TBCE: variants seen among roughly 807,000 people sequenced by gnomAD.
TBCE encodes the protein tubulin-specific chaperone E.
In TBCE, 53 loss-of-function variants were observed where a neutral mutation model predicts 77.0. That is an observed-to-expected ratio of 0.69 (90% CI 0.55 to 0.87). TBCE has a LOEUF of 0.87. TBCE is among the 40% of genes least tolerant of loss of function. The probability of loss-of-function intolerance (pLI) is 0.00; values close to 1 mark genes in which losing one functional copy is unlikely to be tolerated. For synonymous variants in TBCE, 235 were observed against 241.3 expected (o/e 0.97, Z 0.24); for missense variants, 624 against 622.4 (o/e 1.00, Z -0.03).
At position 235,430,730 on chromosome 1, in the gene TBCE, G is replaced by A. The variant is rs1409065511; in HGVS notation, c.586G>A (p.Gly196Ser). 13 of 1,612,770 alleles carry A rather than the reference G, an allele frequency of 8.1e-6. No individual in the cohort carries two copies. Among genetic ancestry groups the A allele is most frequent in the African/African-American group, 5.3e-5 (4 of 74,820 alleles). Residue 196 changes from glycine (G) to serine (S), a missense_variant, in exon 7 of 17, where the codon GGT becomes AGT. Gly to Ser is a moderately conservative substitution (Grantham distance 56). Transcript: ENST00000642610. The part of the protein sequence containing the change: ...VSENKLKFPS[G>S]SVLTGTLSVL... ...TGAAAATAAACTAAAATTTCCCTCCGGTTCAGTATTAACTGGAACGCTTTC... is the reference window on the plus strand; with the variant it reads ...TGAAAATAAACTAAAATTTCCCTCCAGTTCAGTATTAACTGGAACGCTTTC...
chr1:235,421,622 T>G (rs1286130555), intron 5 of TBCE, among the ~76,000 whole-genome samples: 1 of 151,962 alleles, frequency 6.6e-6, no homozygotes, highest in Non-Finnish European at 1.5e-5. Flanking sequence ...GCAGGGAGAA[T>G]TGCTTGAACC....
intron 2 of TBCE, among the ~76,000 whole-genome samples, chr1:235,387,145 C>T (rs557644180): frequency 9.8e-5 from 15 of 152,312 alleles, no homozygotes; most frequent in East Asian, 5.8e-4. Flanking sequence ...GCTGTCTGAT[C>T]GTTCCTCTGG....
rs185533345 is a variant in TBCE, at chr1:235,414,321, C to T, written c.186-112C>T. The T allele has an allele frequency of 3.7e-5, 35 of 952,212 alleles. No individual in the cohort carries two copies. In the African/African-American group the frequency reaches 5.3e-4, roughly 14 times the overall value. The allele number at this position is 952,212 out of a possible 1,614,324, so 59.0% of individuals were successfully genotyped here. ...TTAGTATGTGATATTCTCTTTTATG[C>T]TAATTTTGATTTTTTAGCATGTAGA... On this transcript the variant is annotated intron_variant, in intron 3 of 16. Transcript: ENST00000642610.
At chr1:235,443,777 C>CT (rs2102942525) in intron 15 of TBCE, among the ~76,000 whole-genome samples, 1 of 152,240 alleles carries the variant, frequency 6.6e-6, no homozygotes, top group African/African-American at 2.4e-5. Context: ...AAATGGTTTT[C>CT]TTTGAGAAAG....
rs180911749 is a variant in TBCE, at chr1:235,449,051, A to T, written c.*289A>T. On this transcript the variant is annotated 3_prime_UTR_variant, in exon 17 of 17. Transcript: ENST00000642610. ...AAGATTTAAATATTAAATAGAAAGA[A>T]ACTAGCTAGCCTAATAAAATCTGAA... 12 of 344,400 alleles carry T rather than the reference A, an allele frequency of 3.5e-5. No homozygotes were observed. Among genetic ancestry groups the T allele is most frequent in the African/African-American group, 2.6e-4 (12 of 46,696 alleles). The allele number at this position is 344,400 out of a possible 1,614,324, so 21.3% of individuals were successfully genotyped here.
intron 2 of TBCE, among the ~76,000 whole-genome samples, chr1:235,381,025 C>T (rs1413988176): frequency 6.6e-6 from 1 of 152,060 alleles, no homozygotes; most frequent in Non-Finnish European, 1.5e-5. Flanking sequence ...GGTGTTCTGC[C>T]TGCCTCGGCC....
chr1:235,447,832 C>A (rs1345884527), intron 15 of TBCE, among the ~76,000 whole-genome samples: 1 of 152,144 alleles, frequency 6.6e-6, no homozygotes, highest in Non-Finnish European at 1.5e-5. Context: ...CCGTTGGCTC[C>A]GTTTCCCACA....
intron 3 of TBCE, among the ~76,000 whole-genome samples, chr1:235,413,041 G>C (rs145084471): frequency 3.3e-5 from 5 of 152,258 alleles, no homozygotes; most frequent in African/African-American, 4.8e-5. Flanking sequence ...GACCTTAGGT[G>C]ATCCGCCCTT....
chr1:235,388,283 CTTTTTTTTTTTT>C (rs908940784), intron 2 of TBCE, among the ~76,000 whole-genome samples: 5 of 117,334 alleles, frequency 4.3e-5, no homozygotes, highest in Admixed American at 3.5e-4. Context: ...TCTGTTACTT[CTTTTTTTTTTTT>C]TTTTTTTTTT....
At chr1:235,420,065 A>G (rs1178953007) in intron 5 of TBCE, among the ~76,000 whole-genome samples, 1 of 149,664 alleles carries the variant, frequency 6.7e-6, no homozygotes, top group Admixed American at 6.6e-5. Context: ...GCCTGGAGAC[A>G]GAACAAGACT....
rs1284453412 is a variant in TBCE at position 235,448,973 on chromosome 1, T to C, written c.*211T>C. 1.0e-5 allele frequency: 5 copies of C among 481,274 alleles called. No individual in the cohort carries two copies. Among genetic ancestry groups the C allele is most frequent in the Non-Finnish European group, 1.1e-5 (3 of 263,164 alleles). 29.8% of individuals were successfully genotyped at this position (481,274 alleles called of 1,614,324 possible). A position where few individuals can be genotyped will look rare whatever the true frequency, so the allele number is the denominator to read the frequency against. ...TAAAGGCTTTGAACCTACTAATGAT[T>C]TTCTGATCTTATTTCATATTTATTT... On this transcript the variant is annotated 3_prime_UTR_variant, in exon 17 of 17. Transcript: ENST00000642610.
rs1215335736 is a variant in TBCE, at chr1:235,451,505, A to C, written c.*2743A>C. 2 of 152,128 alleles carry C rather than the reference A, an allele frequency of 1.3e-5. No homozygotes were observed. The highest frequency in any genetic ancestry group is 2.4e-5 in the African/African-American group (1 of 41,420). 9.4% of individuals were successfully genotyped at this position (152,128 alleles called of 1,614,324 possible). A position where few individuals can be genotyped will look rare whatever the true frequency, so the allele number is the denominator to read the frequency against. On this transcript the variant is annotated 3_prime_UTR_variant, in exon 17 of 17. Coordinates refer to ENST00000642610, the MANE Select transcript of TBCE (RefSeq NM_003193.5). Reference sequence around the variant, plus strand: ...AAAAAAAAAAAAAGACCGCATCAGAAAACAAGCGCCATGAACAACAGTTGT... The same window carrying C: ...AAAAAAAAAAAAAGACCGCATCAGACAACAAGCGCCATGAACAACAGTTGT...
chr1:235,372,408 G>A (rs1192307532), intron 1 of TBCE, among the ~76,000 whole-genome samples: 2 of 152,104 alleles, frequency 1.3e-5, no homozygotes, highest in Admixed American at 6.6e-5. Context: ...TTTTTCCCAA[G>A]GAAATACTTC....
chr1:235,441,747 TG>T, intron 13 of TBCE, 66 bp from the exon 14 acceptor site: 2 of 1,446,084 alleles, frequency 1.4e-6, no homozygotes, highest in South Asian at 2.3e-5. Context: ...TTTGTTTGTT[TG>T]TTTGTTTTGT....
chr1:235,404,790 T>C lies in TBCE; in HGVS notation c.185+3203T>C, dbSNP rs1183147113. Among the ~76,000 whole-genome samples the C allele has an allele frequency of 3.3e-5, 5 of 151,676 alleles. No homozygotes were observed. The East Asian group carries it at 9.7e-4, about 29-fold the overall frequency. On this transcript the variant is annotated intron_variant, in intron 3 of 16. Coordinates refer to ENST00000642610, the MANE Select transcript of TBCE (RefSeq NM_003193.5). ...GATTCTCTTGCCTTAGCCTCCTGAG[T>C]AGCTGAGATTACAGGCATGCGCCAC...
intron 15 of TBCE, among the ~76,000 whole-genome samples, chr1:235,447,476 A>G (rs1363974543): frequency 1.3e-5 from 2 of 152,206 alleles, no homozygotes; most frequent in African/African-American, 4.8e-5. Context: ...CGGAAGTTAC[A>G]TTCCCATGCC....
chr1:235,447,620 G>A (rs140675942), intron 15 of TBCE, among the ~76,000 whole-genome samples: 1 of 152,254 alleles, frequency 6.6e-6, no homozygotes, highest in African/African-American at 2.4e-5. Flanking sequence ...AGAGTTGAGA[G>A]ATGTCCTCAG....
chr1:235,400,462 G>C (rs552860882), intron 2 of TBCE, among the ~76,000 whole-genome samples: 1 of 145,254 alleles, frequency 6.9e-6, no homozygotes, highest in South Asian at 2.2e-4. Flanking sequence ...GTGCAGTGGC[G>C]TGATCTCGGC....
At chr1:235,403,051 C>T (rs185026340) in intron 3 of TBCE, among the ~76,000 whole-genome samples, 1 of 152,212 alleles carries the variant, frequency 6.6e-6, no homozygotes, top group Admixed American at 6.5e-5. Context: ...TTTAGAAAGT[C>T]AGGGTGTTCT....
Sources: allele counts gnomAD v4.1 joint callset (sites outside exome capture counted in the v4.1 genomes callset), GRCh38; gene constraint gnomAD v4.1.1; transcripts MANE v1.5; gene names NCBI Gene and HGNC (gene_info 2026-07-23, HGNC 2026-07-21).